The following EFCAB7 variants were observed in gnomAD, a reference collection of about 807,000 sequenced individuals.
The protein encoded by EFCAB7 is EF-hand calcium-binding domain-containing protein 7.
Under a neutral mutation model 77.1 loss-of-function variants are expected in EFCAB7, and 66 were observed. That is an observed-to-expected ratio of 0.86 (90% CI 0.70 to 1.05). The LOEUF is 1.05. EFCAB7 is among the 50% of genes least tolerant of loss of function. The pLI is 0.00. For synonymous variants in EFCAB7, 225 were observed against 243.3 expected (o/e 0.92, Z 0.70); for missense variants, 638 against 730.5 (o/e 0.87, Z 1.46).
In EFCAB7 at chr1:63,571,946, A is replaced by T. The variant is rs187471893; in HGVS notation, c.1816-496A>T. 5.9e-5 allele frequency among the ~76,000 whole-genome samples: 9 copies of T among 152,282 alleles called. No homozygotes were observed. The East Asian group carries it at 1.5e-3, about 26-fold the overall frequency. ...TAGAAAAAGCTGTAGTTCTGGTGTT[A>T]GCAGAACTCTGGGTTTCTGATTTAG... is the stretch of plus-strand genomic sequence containing the variant. On this transcript the variant is annotated intron_variant, in intron 13 of 13. Transcript: ENST00000371088.
chr1:63,566,398 C>T (rs1379110573), intron 11 of EFCAB7, among the ~76,000 whole-genome samples: 4 of 152,168 alleles, frequency 2.6e-5, no homozygotes, highest in Non-Finnish European at 5.9e-5. Flanking sequence ...CGAATGGGTA[C>T]TGGGCTTACT....
rs1647019926 is a variant in EFCAB7, at chr1:63,555,475, A to C, written c.1174A>C (p.Arg392=). The change falls in exon 9 of 14, where the codon AGA becomes CGA. Residue 392 remains arginine, a synonymous_variant. Transcript: ENST00000371088. ...AACAGATGAAGCCCAACTTGTATAT[A>C]GAGATGAAACAGGGGAATTATTCCT... The part of the protein sequence containing the change: ...PVTDEAQLVY[R]DETGELFLTK... 2 of 1,613,638 alleles carry C rather than the reference A, an allele frequency of 1.2e-6. No individual in the cohort carries two copies. Among genetic ancestry groups the C allele is most frequent in the African/African-American group, 1.3e-5 (1 of 74,924 alleles).
At chr1:63,564,570 C>G (rs1180889606) in intron 11 of EFCAB7, among the ~76,000 whole-genome samples, 1 of 152,082 alleles carries the variant, frequency 6.6e-6, no homozygotes, top group African/African-American at 2.4e-5. Context: ...ATGACACAAA[C>G]AAATGGAAAA....
Position 63,565,382 on chromosome 1 carries a change from A to C in EFCAB7, c.1498-2928A>C, listed in dbSNP as rs550648339. Among the ~76,000 whole-genome samples, 7 of 152,168 alleles carry C rather than the reference A, an allele frequency of 4.6e-5. No homozygotes were observed. In the East Asian group the frequency reaches 5.8e-4, roughly 13 times the overall value. ...TCAAAAAAAAAAACAACAACAACAAAAAAATTTTAAGATAAAGACTGAAAT... is the reference window on the plus strand; with the variant it reads ...TCAAAAAAAAAAACAACAACAACAACAAAATTTTAAGATAAAGACTGAAAT... On this transcript the variant is annotated intron_variant, in intron 11 of 13. Coordinates refer to ENST00000371088, the MANE Select transcript of EFCAB7 (RefSeq NM_032437.4).
chr1:63,523,966 A>G (rs1366767443), intron 1 of EFCAB7, among the ~76,000 whole-genome samples: 2 of 152,032 alleles, frequency 1.3e-5, no homozygotes, highest in African/African-American at 4.8e-5. Flanking sequence ...CGTTTGCTGC[A>G]ATGTACTCTC....
intron 10 of EFCAB7, among the ~76,000 whole-genome samples, chr1:63,560,244 G>T (rs933177255): frequency 6.6e-6 from 1 of 152,032 alleles, no homozygotes; most frequent in Non-Finnish European, 1.5e-5. Context: ...GAGCCACTGC[G>T]CCTGGCCCAA....
chr1:63,528,454 G>A (rs1646635197), intron 2 of EFCAB7, among the ~76,000 whole-genome samples: 1 of 151,830 alleles, frequency 6.6e-6, no homozygotes, highest in Non-Finnish European at 1.5e-5. Context: ...TGGGGGTAGG[G>A]GGAGAAAATA....
chr1:63,562,460 T>TATATA (rs1647117178), intron 11 of EFCAB7, among the ~76,000 whole-genome samples: 1 of 42,646 alleles, frequency 2.3e-5, no homozygotes, highest in Non-Finnish European at 4.8e-5. Flanking sequence ...TATATATATA[T>TATATA]ATATATATAT....
At chr1:63,581,904 AAC>A in the EFCAB7 span, among the ~76,000 whole-genome samples, 2 of 152,250 alleles carry the variant, frequency 1.3e-5, no homozygotes, top group African/African-American at 2.4e-5. Flanking sequence ...TAGGCACATA[AAC>A]ACAGACTACA....
chr1:63,535,373 G>A (rs1026537626), intron 6 of EFCAB7, among the ~76,000 whole-genome samples: 25 of 152,090 alleles, frequency 1.6e-4, no homozygotes, highest in African/African-American at 6.0e-4. Flanking sequence ...ATTTTCATTT[G>A]ACTATTAACA....
chr1:63,532,947 G>T (rs1646716940), intron 4 of EFCAB7, among the ~76,000 whole-genome samples, 191 bp downstream of exon 4: 1 of 152,006 alleles, frequency 6.6e-6, no homozygotes, highest in Admixed American at 6.6e-5. Context: ...TTTTTAAAGG[G>T]ATGCATCTTT....
At chr1:63,530,710 C>T (rs1222197662) in intron 2 of EFCAB7, among the ~76,000 whole-genome samples, 1 of 152,110 alleles carries the variant, frequency 6.6e-6, no homozygotes, top group African/African-American at 2.4e-5. Context: ...CAGGACCATG[C>T]CTGCAAAGGG....
intron 6 of EFCAB7, among the ~76,000 whole-genome samples, chr1:63,544,494 C>T (rs1222991597): frequency 6.6e-6 from 1 of 152,118 alleles, no homozygotes; most frequent in African/African-American, 2.4e-5. Context: ...CTCACTGCAA[C>T]CTCTGCCTCC....
downstream of EFCAB7, among the ~76,000 whole-genome samples, chr1:63,575,998 C>G (rs1647401416): frequency 6.6e-6 from 1 of 152,144 alleles, no homozygotes; most frequent in South Asian, 2.1e-4. Context: ...AAAGTTAGCC[C>G]TGCTATCTTT....
At chr1:63,533,363 C>T (rs1169904978) in intron 4 of EFCAB7, 91 bp from the exon 5 acceptor site, 15 of 897,116 alleles carry the variant, frequency 1.7e-5, no homozygotes, top group Middle Eastern at 2.6e-4. Flanking sequence ...ATCTATCAGT[C>T]TGTTCCTTGC....
chr1:63,546,208 A>G, intron 7 of EFCAB7, 151 bp downstream of exon 7: 8 of 802,520 alleles, frequency 1.0e-5, no homozygotes, highest in Non-Finnish European at 1.9e-6. Flanking sequence ...GTTGGCTTAT[A>G]CATGAACTGT....
the EFCAB7 span, among the ~76,000 whole-genome samples, chr1:63,584,212 A>G: frequency 1.3e-5 from 2 of 152,226 alleles, no homozygotes; most frequent in Non-Finnish European, 2.9e-5. Flanking sequence ...GATGGATTGT[A>G]CTGTATAGAA....
rs6657480 is a variant in EFCAB7, at chr1:63,534,197, T to G, written c.785T>G (p.Met262Arg). ...GANGNRNSKL[M>R]EPNLIKDWQH... ...AATGGTAACCGAAACTCAAAGTTAATGGAGCCAAATTTAATAAAGGTATAG... is the reference window on the plus strand; with the variant it reads ...AATGGTAACCGAAACTCAAAGTTAAGGGAGCCAAATTTAATAAAGGTATAG... The change falls in exon 6 of 14, where the codon ATG becomes AGG. Residue 262 changes from methionine (M) to arginine (R), a missense_variant. Coordinates refer to ENST00000371088, the MANE Select transcript of EFCAB7 (RefSeq NM_032437.4). 1 of 1,611,952 alleles carries G rather than the reference T, an allele frequency of 6.2e-7. No individual in the cohort carries two copies. The highest frequency in any genetic ancestry group is 8.5e-7 in the Non-Finnish European group (1 of 1,178,804).
downstream of EFCAB7, among the ~76,000 whole-genome samples, chr1:63,575,798 G>A (rs1026314398): frequency 4.0e-5 from 6 of 151,848 alleles, no homozygotes; most frequent in Non-Finnish European, 7.4e-5. Context: ...ATGTTGCCCA[G>A]GCTGCTCTAA....
Sources: allele counts gnomAD v4.1 joint callset (sites outside exome capture counted in the v4.1 genomes callset), GRCh38; gene constraint gnomAD v4.1.1; transcripts MANE v1.5; gene names NCBI Gene and HGNC (gene_info 2026-07-23, HGNC 2026-07-21).